Variants in SHOC1 observed in about 807,000 individuals in gnomAD.
SHOC1 encodes the protein shortage in chiasmata 1.
Under a neutral mutation model 179.2 loss-of-function variants are expected in SHOC1, and 136 were observed. The ratio of observed to expected loss-of-function variants is 0.76; its 90% CI spans 0.66 to 0.87. The LOEUF (loss-of-function observed/expected upper bound fraction) is 0.87. SHOC1 is among the 40% of genes least tolerant of loss of function. The pLI is 0.00. For synonymous variants in SHOC1, 489 were observed against 586.6 expected, an observed-to-expected ratio of 0.83 and a Z score of 2.41; for missense variants, 1,538 against 1,700.8, an observed-to-expected ratio of 0.90 and a Z score of 1.68.
intron 27 of SHOC1, 36 bp downstream of exon 27, chr9:111,691,515 T>A (rs921168411): frequency 6.6e-7 from 1 of 1,510,790 alleles, no homozygotes; most frequent in African/African-American, 1.4e-5. Context: ...AAAATTAAAT[T>A]TGAGAGTAGT....
intron 26 of SHOC1, among the ~76,000 whole-genome samples, chr9:111,692,784 T>C (rs1831503448): frequency 6.6e-6 from 1 of 152,208 alleles, no homozygotes; most frequent in Non-Finnish European, 1.5e-5. Context: ...ATTTTAGTTA[T>C]ACAATTCATA....
chr9:111,711,244 C>A (rs761463750), intron 18 of SHOC1, among the ~76,000 whole-genome samples: 12 of 152,130 alleles, frequency 7.9e-5, no homozygotes, highest in Non-Finnish European at 1.5e-4. Flanking sequence ...GGTCCCCCGG[C>A]GAAACCCCTT....
chr9:111,723,581 A>G (rs1833164912), intron 14 of SHOC1, among the ~76,000 whole-genome samples: 1 of 152,148 alleles, frequency 6.6e-6, no homozygotes, highest in Admixed American at 6.6e-5. Flanking sequence ...AAGAAATAAC[A>G]CTGAGTCGCT....
At chr9:111,783,924 C>G (rs1317337977) in intron 3 of SHOC1, among the ~76,000 whole-genome samples, 1 of 152,156 alleles carries the variant, frequency 6.6e-6, no homozygotes, top group African/African-American at 2.4e-5. Context: ...TGAAGAACCC[C>G]AGAAAGCAGT....
intron 4 of SHOC1, among the ~76,000 whole-genome samples, chr9:111,778,628 G>T (rs1835917338): frequency 6.6e-6 from 1 of 150,418 alleles, no homozygotes; most frequent in Non-Finnish European, 1.5e-5. Flanking sequence ...AAATTTAGCT[G>T]GGGGTGTTAG....
chr9:111,689,508 T>C (rs1831332305), intron 27 of SHOC1, among the ~76,000 whole-genome samples: 1 of 151,846 alleles, frequency 6.6e-6, no homozygotes, highest in African/African-American at 2.4e-5. Flanking sequence ...TGCTAATGGC[T>C]TTGGATAAAT....
At chr9:111,725,516 CGGG>C (rs1266828717) in intron 13 of SHOC1, among the ~76,000 whole-genome samples, 4 of 151,044 alleles carry the variant, frequency 2.6e-5, no homozygotes, top group Admixed American at 2.6e-4. Context: ...CCAGGGAGGG[CGGG>C]GGAGGTCAGG....
intron 2 of SHOC1, among the ~76,000 whole-genome samples, chr9:111,789,365 T>C (rs1052751727): frequency 1.1e-4 from 16 of 152,336 alleles, no homozygotes; most frequent in Non-Finnish European, 2.2e-4. Flanking sequence ...GTTATAAATA[T>C]TACTTTTTGT....
chr9:111,780,929 C>T lies in SHOC1; in HGVS notation c.257+1G>A. 6.2e-7 allele frequency: 1 copy of T among 1,607,748 alleles called. No individual in the cohort carries two copies. The highest frequency in any genetic ancestry group is 1.1e-5 in the South Asian group (1 of 90,722). Reference sequence around the variant, plus strand: ...AGAAATTTGAGATTAAGGATACATACTTCTCAAGGAAATCCTCCACAAAGA... The same window carrying T: ...AGAAATTTGAGATTAAGGATACATATTTCTCAAGGAAATCCTCCACAAAGA... On this transcript the variant is annotated splice_donor_variant, in intron 4 of 27. Coordinates refer to ENST00000682961, the MANE Select transcript of SHOC1 (RefSeq NM_001378211.1). LOFTEE classifies it high-confidence loss of function.
In SHOC1 at chr9:111,705,190, CACACACAT is replaced by C. The variant is rs750242208; in HGVS notation, c.2855+49_2855+56del. 418 of 715,056 alleles carry C rather than the reference CACACACAT, an allele frequency of 5.8e-4. 17 individuals carry two copies. Among genetic ancestry groups the C allele is most frequent in the Non-Finnish European group, 8.6e-4 (374 of 436,542 alleles). 44.3% of individuals were successfully genotyped at this position (715,056 alleles called of 1,614,324 possible). A position where few individuals can be genotyped will look rare whatever the true frequency, so the allele number is the denominator to read the frequency against. On this transcript the variant is annotated intron_variant, in intron 21 of 27. Coordinates refer to ENST00000682961, the MANE Select transcript of SHOC1 (RefSeq NM_001378211.1). ...ATATATACACACACACACACACACA[CACACACAT>C]ATATATATAATGTACACTTTTGTTA...
rs1831167204 is a variant in SHOC1, at chr9:111,686,516, T to C, written c.*254A>G. On this transcript the variant is annotated 3_prime_UTR_variant, in exon 28 of 28. Coordinates refer to ENST00000682961, the MANE Select transcript of SHOC1 (RefSeq NM_001378211.1). ...GTGATGGAGACTCATTTAAATGGCC[T>C]GTGTGCAGGGGTGTCTGGAAGACAT... 3.8e-6 allele frequency: 1 copy of C among 262,178 alleles called. No individual in the cohort carries two copies. Among genetic ancestry groups the C allele is most frequent in the African/African-American group, 2.3e-5 (1 of 44,102 alleles). 16.2% of individuals were successfully genotyped at this position (262,178 alleles called of 1,614,324 possible).
intron 4 of SHOC1, 22 bp downstream of exon 4, chr9:111,780,908 A>C (rs771481835): frequency 1.3e-6 from 2 of 1,566,182 alleles, no homozygotes; most frequent in East Asian, 4.5e-5. Context: ...TAAAAGAGAA[A>C]TTTGAGATTA....
chr9:111,758,807 T>C lies in SHOC1; in HGVS notation c.484A>G (p.Arg162Gly). ...DDKGILFVSS[R>G]KHLPTLPTLL... ...GTAGGCAAAGTTGGTAGGTGTTTTC[T>C]ACTACTTACAAAAAGTATTCCTTTA... is the stretch of plus-strand genomic sequence containing the variant. The change falls in exon 6 of 28, where the codon AGA (arginine) becomes GGA (glycine). Residue 162 changes from arginine to glycine, a missense_variant. Arg to Gly is a moderately radical substitution (Grantham distance 125, BLOSUM62 -2). Transcript: ENST00000682961. 3 of 1,572,554 alleles carry C rather than the reference T, an allele frequency of 1.9e-6. No individual in the cohort carries two copies. The highest frequency in any genetic ancestry group is 2.6e-6 in the Non-Finnish European group (3 of 1,152,802).
At chr9:111,722,097 T>A (rs911825640) in intron 15 of SHOC1, among the ~76,000 whole-genome samples, 26 of 152,200 alleles carry the variant, frequency 1.7e-4, no homozygotes, top group Admixed American at 1.7e-3. Flanking sequence ...TTGACCTCCT[T>A]TTTTGGGAGG....
At chr9:111,721,489 GCCA>G (rs1443149962) in intron 15 of SHOC1, among the ~76,000 whole-genome samples, 1 of 152,020 alleles carries the variant, frequency 6.6e-6, no homozygotes, top group African/African-American at 2.4e-5. Flanking sequence ...ACAGGTGCCC[GCCA>G]CCACACCAGG....
At chr9:111,736,415 C>A (rs777937754) in intron 12 of SHOC1, among the ~76,000 whole-genome samples, 1 of 152,094 alleles carries the variant, frequency 6.6e-6, no homozygotes, top group Non-Finnish European at 1.5e-5. Context: ...AAGTCGCACA[C>A]CTACAGCCAT....
chr9:111,711,194 G>C (rs73541277), intron 18 of SHOC1, among the ~76,000 whole-genome samples: 1,805 of 152,206 alleles, frequency 0.012, 29 homozygotes, highest in African/African-American at 0.041. Context: ...CAGGTAAGTG[G>C]TAAGTCTGTA....
intron 8 of SHOC1, among the ~76,000 whole-genome samples, chr9:111,750,142 A>C (rs7049063): frequency 0.82 from 124,396 of 152,140 alleles, 51,040 homozygotes; most frequent in East Asian, 0.92. Flanking sequence ...TTCACTCCCA[A>C]CAACAGTGTA....
intron 22 of SHOC1, among the ~76,000 whole-genome samples, chr9:111,702,888 T>C (rs1053157498): frequency 1.3e-5 from 2 of 152,122 alleles, no homozygotes; most frequent in African/African-American, 4.8e-5. Flanking sequence ...AGTGAGAGGA[T>C]CACTTGAAGC....
Sources: allele counts gnomAD v4.1 joint callset (sites outside exome capture counted in the v4.1 genomes callset), GRCh38; gene constraint gnomAD v4.1.1; transcripts MANE v1.5; gene names NCBI Gene and HGNC (gene_info 2026-07-23, HGNC 2026-07-21).